The following CCDC126 variants were observed in gnomAD, a reference collection of about 807,000 sequenced individuals.
The protein encoded by CCDC126 is coiled-coil domain-containing protein 126.
Under a neutral mutation model 11.7 loss-of-function variants are expected in CCDC126, and 5 were observed. That is an observed-to-expected ratio of 0.43 (90% CI 0.22 to 0.90). The LOEUF is 0.90. CCDC126 is among the 40% of genes least tolerant of loss of function. CCDC126 has a pLI of 0.27. For missense variants in CCDC126, 150 were observed against 163.1 expected (o/e 0.92, Z 0.44); for synonymous variants, 60 against 61.9 (o/e 0.97, Z 0.14).
chr7:23,638,578 C>G (rs1282516677), intron 3 of CCDC126, among the ~76,000 whole-genome samples: 1 of 124,544 alleles, frequency 8.0e-6, no homozygotes, highest in Admixed American at 8.2e-5. Flanking sequence ...ACAAACACTG[C>G]GGAAGGCCGC....
At chr7:23,638,863 C>CAAAAAAA (rs61374394) in intron 3 of CCDC126, among the ~76,000 whole-genome samples, 6 of 108,572 alleles carry the variant, frequency 5.5e-5, no homozygotes, top group African/African-American at 1.7e-4. Context: ...AATAAATTAA[C>CAAAAAAA]AAAAAAAAAA....
intron 3 of CCDC126, among the ~76,000 whole-genome samples, chr7:23,634,275 G>A (rs938695736): frequency 6.6e-6 from 1 of 152,124 alleles, no homozygotes; most frequent in Non-Finnish European, 1.5e-5. Flanking sequence ...GTGAAACCCT[G>A]TCTCTACAAA....
chr7:23,599,260 C>G (rs1238468102), intron 2 of CCDC126, among the ~76,000 whole-genome samples: 1 of 152,146 alleles, frequency 6.6e-6, no homozygotes, highest in Non-Finnish European at 1.5e-5. Flanking sequence ...GCTTGTCAAT[C>G]CCCTCATCCA....
chr7:23,607,218 G>A (rs947099648), intron 2 of CCDC126, among the ~76,000 whole-genome samples: 8 of 152,164 alleles, frequency 5.3e-5, no homozygotes, highest in Non-Finnish European at 7.3e-5. Flanking sequence ...AGATTTAAAA[G>A]TTTTTAGATT....
At chr7:23,630,517 T>G (rs1421382774) in intron 3 of CCDC126, among the ~76,000 whole-genome samples, 1 of 134,712 alleles carries the variant, frequency 7.4e-6, no homozygotes, top group Non-Finnish European at 1.7e-5. Context: ...CAATCAATCA[T>G]CCATGAAGGC....
intron 2 of CCDC126, among the ~76,000 whole-genome samples, chr7:23,607,605 T>C (rs924381500): frequency 1.3e-5 from 2 of 152,238 alleles, no homozygotes; most frequent in East Asian, 1.9e-4. Flanking sequence ...TTATTTTTCT[T>C]ATGTGAAATC....
intron 3 of CCDC126, among the ~76,000 whole-genome samples, chr7:23,631,722 C>T (rs931024556): frequency 1.3e-5 from 2 of 151,708 alleles, no homozygotes; most frequent in African/African-American, 4.8e-5. Flanking sequence ...GATGGAGCCA[C>T]TGCACCTCAG....
chr7:23,623,383 G>A (rs1181625888), intron 3 of CCDC126, among the ~76,000 whole-genome samples: 1 of 152,038 alleles, frequency 6.6e-6, no homozygotes, highest in African/African-American at 2.4e-5. Flanking sequence ...GATCACCTGA[G>A]GTCAGGAGTT....
intron 3 of CCDC126, among the ~76,000 whole-genome samples, chr7:23,637,985 C>T (rs1183819537): frequency 3.1e-5 from 4 of 127,880 alleles, no homozygotes; most frequent in African/African-American, 8.5e-5. Flanking sequence ...GCCCCCCGCC[C>T]GGCCAGCCGC....
chr7:23,608,121 T>C (rs1004405242), intron 2 of CCDC126, among the ~76,000 whole-genome samples: 13 of 152,202 alleles, frequency 8.5e-5, no homozygotes, highest in South Asian at 2.1e-4. Context: ...TATAAAAAAA[T>C]TGTGGCGTTA....
intron 3 of CCDC126, among the ~76,000 whole-genome samples, chr7:23,632,468 C>G (rs141477523): frequency 9.5e-4 from 144 of 152,260 alleles, no homozygotes; most frequent in Non-Finnish European, 1.8e-3. Flanking sequence ...TACCATATAC[C>G]AAATAAACAG....
chr7:23,599,304 G>T (rs936019591), intron 2 of CCDC126, among the ~76,000 whole-genome samples: 1 of 152,086 alleles, frequency 6.6e-6, no homozygotes, highest in African/African-American at 2.4e-5. Context: ...TTCTCCTTCA[G>T]CTCCTTCTGC....
intron 3 of CCDC126, among the ~76,000 whole-genome samples, chr7:23,623,394 T>G (rs1447557713): frequency 6.6e-6 from 1 of 152,012 alleles, no homozygotes; most frequent in African/African-American, 2.4e-5. Context: ...GTCAGGAGTT[T>G]GAGACCAGCC....
At chr7:23,620,989 G>A (rs532123969) in intron 3 of CCDC126, among the ~76,000 whole-genome samples, 1 of 152,364 alleles carries the variant, frequency 6.6e-6, no homozygotes, top group Admixed American at 6.5e-5. Context: ...TAGCCTTGTA[G>A]TATAGTTTGA....
intron 2 of CCDC126, among the ~76,000 whole-genome samples, chr7:23,605,399 T>TCG (rs1491448665): frequency 6.7e-6 from 1 of 148,824 alleles, no homozygotes; most frequent in Admixed American, 6.7e-5. Context: ...TGTGATATGC[T>TCG]TGTGTGTGTG....
chr7:23,612,747 T>C (rs575931443), intron 3 of CCDC126, among the ~76,000 whole-genome samples: 34 of 152,256 alleles, frequency 2.2e-4, no homozygotes, highest in African/African-American at 6.3e-4. Flanking sequence ...ATATTTAAAT[T>C]TTCCTGATTA....
At position 23,611,399 on chromosome 7, in the gene CCDC126, G is replaced by C; in HGVS notation, c.84G>C (p.Met28Ile). ...TATTTGGACTCATTTGGGGATTGAT[G>C]TTACTGCACTATACTTTTCAACAAC... is the stretch of plus-strand genomic sequence containing the variant. ...LLVFGLIWGL[M>I]LLHYTFQQPR... The change falls in exon 3 of 4, where the codon ATG (methionine) becomes ATC (isoleucine). Residue 28 changes from methionine (M) to isoleucine (I), a missense_variant. Met to Ile is a conservative substitution (Grantham distance 10). Transcript: ENST00000307471. 1.2e-6 allele frequency: 2 copies of C among 1,613,872 alleles called. No homozygotes were observed. Among genetic ancestry groups the C allele is most frequent in the Non-Finnish European group, 1.7e-6 (2 of 1,179,840 alleles).
At chr7:23,626,732 C>G (rs543810453) in intron 3 of CCDC126, among the ~76,000 whole-genome samples, 27 of 152,184 alleles carry the variant, frequency 1.8e-4, no homozygotes, top group Non-Finnish European at 3.2e-4. Flanking sequence ...CATTTAGCTC[C>G]CACTTAGAAG....
chr7:23,634,372 T>C (rs901474347), intron 3 of CCDC126, among the ~76,000 whole-genome samples: 3 of 152,134 alleles, frequency 2.0e-5, no homozygotes, highest in Admixed American at 1.3e-4. Flanking sequence ...AGGAAATCAC[T>C]TGAATCCAGG....
Sources: gnomAD v4.1 joint callset for allele counts (sites outside exome capture counted in the v4.1 genomes callset) on GRCh38, gnomAD v4.1.1 for gene constraint, MANE v1.5 for transcripts, NCBI Gene and HGNC (gene_info 2026-07-23, HGNC 2026-07-21) for gene names.